Variants in EIF3E observed in about 807,000 individuals in gnomAD.
EIF3E encodes eukaryotic translation initiation factor 3 subunit E, also known as eIF-3 p48.
Under a neutral mutation model 59.3 loss-of-function variants are expected in EIF3E, and 25 were observed. The ratio of observed to expected loss-of-function variants is 0.42; its 90% CI spans 0.31 to 0.59. The LOEUF is 0.59. EIF3E is among the 20% of genes least tolerant of loss of function. The pLI is 0.15. For missense variants in EIF3E, 317 were observed against 534.3 expected (o/e 0.59, Z 4.01); for synonymous variants, 176 against 170.2 (o/e 1.03, Z -0.26).
At chr8:108,242,625 G>A in intron 1 of EIF3E, 1 of 1,166,336 alleles carries the variant, frequency 8.6e-7, no homozygotes, top group Non-Finnish European at 1.1e-6. Context: ...AAAAAATAAA[G>A]ATGAAGGTGG....
intron 12 of EIF3E, among the ~76,000 whole-genome samples, chr8:108,202,769 A>T (rs1815017973): frequency 6.6e-6 from 1 of 152,090 alleles, no homozygotes; most frequent in Admixed American, 6.6e-5. Flanking sequence ...AATAGTTATA[A>T]TAAACTAGGA....
In EIF3E at chr8:108,214,594, A is replaced by G. The variant is rs769629413; in HGVS notation, c.1061+13T>C. ...TAAAGTAGAAAATCCAAATCAAATCACGGTGTTCTTACTTAATGCTGATAC... is the reference window on the plus strand; with the variant it reads ...TAAAGTAGAAAATCCAAATCAAATCGCGGTGTTCTTACTTAATGCTGATAC... On this transcript the variant is annotated intron_variant, in intron 10 of 12. Coordinates refer to ENST00000220849, the MANE Select transcript of EIF3E (RefSeq NM_001568.3). The G allele has an allele frequency of 5.8e-6, 9 of 1,555,012 alleles. No individual in the cohort carries two copies. In the South Asian group the frequency reaches 1.1e-4, roughly 19 times the overall value.
chr8:108,223,725 C>CATTTATTAATGAGA (rs1563632160), intron 7 of EIF3E, among the ~76,000 whole-genome samples: 1 of 151,702 alleles, frequency 6.6e-6, no homozygotes, highest in African/African-American at 2.4e-5. Context: ...TTACACCTGC[C>CATTTATTAATGAGA]ACCTTATCTT....
chr8:108,216,541 A>C (rs777715431), intron 8 of EIF3E, 28 bp from the exon 9 acceptor site: 1 of 1,483,480 alleles, frequency 6.7e-7, no homozygotes, highest in Non-Finnish European at 9.3e-7. Context: ...CGGTCAAGGT[A>C]AGTCTGATTC....
Position 108,241,860 on chromosome 8 carries a change from G to C in EIF3E, c.144C>G (p.Thr48=). Residue 48 remains threonine (T), a synonymous_variant, in exon 2 of 13, where the codon ACC becomes ACG. Coordinates refer to ENST00000220849, the MANE Select transcript of EIF3E (RefSeq NM_001568.3). ...LQGKLDLLSD[T]NMVDFAMDVY... ...CATCCATAGCAAAGTCTACCATGTT[G>C]GTATCACTAAGAAGGTCCAATTTAC... 6.2e-7 allele frequency: 1 copy of C among 1,601,892 alleles called. No homozygotes were observed.
At chr8:108,241,993 G>T in intron 1 of EIF3E, 80 bp from the exon 2 acceptor site, 2 of 1,211,726 alleles carry the variant, frequency 1.7e-6, no homozygotes, top group East Asian at 2.5e-5. Flanking sequence ...AATTTACCTG[G>T]AAATATATTT....
chr8:108,242,367 A>C, intron 1 of EIF3E: 1 of 1,289,466 alleles, frequency 7.8e-7, no homozygotes, highest in Non-Finnish European at 1.0e-6. Flanking sequence ...TTTTTAAGTC[A>C]ACCATGTCAG....
intron 5 of EIF3E, 35 bp from the exon 6 acceptor site, chr8:108,229,230 T>C (rs1815576811): frequency 1.2e-6 from 2 of 1,602,464 alleles, no homozygotes; most frequent in African/African-American, 1.3e-5. Flanking sequence ...ATATTGTGAA[T>C]ACTCTTGAAA....
In EIF3E at chr8:108,211,697, G is replaced by A. The variant is rs555665931; in HGVS notation, c.1061+2910C>T. Among the ~76,000 whole-genome samples the A allele has an allele frequency of 9.2e-5, 14 of 152,164 alleles. No individual in the cohort carries two copies. The East Asian group carries it at 1.2e-3, about 13-fold the overall frequency. On this transcript the variant is annotated intron_variant, in intron 10 of 12. Coordinates refer to ENST00000220849, the MANE Select transcript of EIF3E (RefSeq NM_001568.3). ...TTACTTTAGCAGGCTGTAATTACACGCCTAAAAAACTGGTTACCTAATGCA... is the reference window on the plus strand; with the variant it reads ...TTACTTTAGCAGGCTGTAATTACACACCTAAAAAACTGGTTACCTAATGCA...
chr8:108,234,721 A>G, intron 5 of EIF3E: 1 of 229,420 alleles, frequency 4.4e-6, no homozygotes, highest in Non-Finnish European at 8.4e-6. Flanking sequence ...AATCCATTAC[A>G]TGATACGATT....
At chr8:108,242,714 A>G in intron 1 of EIF3E, 1 of 1,022,572 alleles carries the variant, frequency 9.8e-7, no homozygotes, top group African/African-American at 1.7e-5. Context: ...GTAAGACAAG[A>G]CAGACCTTGC....
intron 4 of EIF3E, 69 bp downstream of exon 4, chr8:108,236,092 C>A (rs1815724786): frequency 1.6e-6 from 2 of 1,273,720 alleles, no homozygotes; most frequent in South Asian, 1.5e-5. Context: ...ATAAGCTCAT[C>A]TGTACAAACC....
rs772232060 is a variant in EIF3E at position 108,240,046 on chromosome 8, C to T, written c.235G>A (p.Ala79Thr). Residue 79 changes from alanine (A) to threonine (T), a missense_variant, in exon 3 of 13, where the codon GCA becomes ACA. Physicochemically the swap from Ala to Thr is moderately conservative, Grantham distance 58 (BLOSUM62 0). This residue lies in a region of EIF3E where 242 missense variants were observed against 398.0 expected (regional missense o/e 0.61). Coordinates refer to ENST00000220849, the MANE Select transcript of EIF3E (RefSeq NM_001568.3). Reference sequence around the variant, plus strand: ...TCTGCCTGAAGCTGTTTCAGTTGTGCAACCACTGTGGTTCTTTTCTCTCTC... The same window carrying T: ...TCTGCCTGAAGCTGTTTCAGTTGTGTAACCACTGTGGTTCTTTTCTCTCTC... ...ALREKRTTVV[A>T]QLKQLQAETE... 6 of 1,613,990 alleles carry T rather than the reference C, an allele frequency of 3.7e-6. No homozygotes were observed. Among genetic ancestry groups the T allele is most frequent in the South Asian group, 2.2e-5 (2 of 91,070 alleles).
chr8:108,247,634 C>T, intron 1 of EIF3E, among the ~76,000 whole-genome samples: 1 of 152,220 alleles, frequency 6.6e-6, no homozygotes, highest in East Asian at 1.9e-4. Context: ...TGTTTTATTG[C>T]TTTTTGTCTT....
chr8:108,240,698 T>C (rs950108422), intron 2 of EIF3E, among the ~76,000 whole-genome samples: 3 of 152,086 alleles, frequency 2.0e-5, no homozygotes, highest in Admixed American at 1.3e-4. Context: ...AACTAAGAAA[T>C]AGGCCAGGGG....
Position 108,248,685 on chromosome 8 carries a change from C to T in EIF3E, c.18G>A (p.Leu6=), listed in dbSNP as rs752447454. The change falls in exon 1 of 13, where the codon TTG becomes TTA. Residue 6 remains leucine, a synonymous_variant. Transcript: ENST00000220849. The part of the protein sequence containing the change: MAEYD[L]TTRIAHFLDR... Reference sequence around the variant, plus strand: ...CCAAAAAGTGCGCGATGCGAGTAGTCAAGTCGTACTCCGCCATCTTGCCAA... The same window carrying T: ...CCAAAAAGTGCGCGATGCGAGTAGTTAAGTCGTACTCCGCCATCTTGCCAA... 3.7e-6 allele frequency: 6 copies of T among 1,614,070 alleles called. No homozygotes were observed. Among genetic ancestry groups the T allele is most frequent in the South Asian group, 3.3e-5 (3 of 91,088 alleles).
At chr8:108,222,831 T>G (rs567514197) in intron 7 of EIF3E, among the ~76,000 whole-genome samples, 1 of 42,360 alleles carries the variant, frequency 2.4e-5, no homozygotes, top group African/African-American at 9.1e-5. Context: ...TTTCTTAGTT[T>G]TTTTTTTTTT....
intron 7 of EIF3E, among the ~76,000 whole-genome samples, chr8:108,219,706 T>C (rs1406143773): frequency 6.6e-6 from 1 of 151,622 alleles, no homozygotes; most frequent in Non-Finnish European, 1.5e-5. Context: ...TGAAACCTTG[T>C]CTCTACAAAA....
intron 10 of EIF3E, among the ~76,000 whole-genome samples, chr8:108,209,996 C>A (rs1024964614): frequency 2.0e-5 from 3 of 151,026 alleles, no homozygotes; most frequent in African/African-American, 7.3e-5. Flanking sequence ...GTCTTTTTAT[C>A]ATTTCTTACA....
Sources: gnomAD v4.1 joint callset for allele counts (sites outside exome capture counted in the v4.1 genomes callset) on GRCh38, gnomAD v4.1.1 for gene constraint, gnomAD v4.1.1 regional missense constraint, MANE v1.5 for transcripts, NCBI Gene and HGNC (gene_info 2026-07-23, HGNC 2026-07-21) for gene names.